RBFOX3: variants seen among roughly 807,000 people sequenced by gnomAD.
The protein encoded by RBFOX3 is RNA binding protein fox-1 homolog 3.
RBFOX3 carries 17 observed loss-of-function variants against 48.7 expected under a neutral mutation model. The observed-to-expected ratio is 0.35, with a 90% CI of 0.24 to 0.52. RBFOX3 has a LOEUF of 0.52. Ranked by LOEUF, RBFOX3 falls within the 20% of genes least tolerant of loss-of-function variation. RBFOX3 has a pLI of 0.94. For synonymous variants in RBFOX3, 212 were observed against 209.5 expected (o/e 1.01, Z -0.10); for missense variants, 382 against 497.5 (o/e 0.77, Z 2.21).
chr17:79,217,028 GC>G (rs1290166617), intron 4 of RBFOX3, among the ~76,000 whole-genome samples: 1 of 152,164 alleles, frequency 6.6e-6, no homozygotes, highest in Non-Finnish European at 1.5e-5. Flanking sequence ...CAGGCAGGGG[GC>G]CCCCCACTCT....
At chr17:79,561,668 G>C (rs1337459907) in intron 1 of RBFOX3, among the ~76,000 whole-genome samples, 1 of 152,198 alleles carries the variant, frequency 6.6e-6, no homozygotes, top group Non-Finnish European at 1.5e-5. Flanking sequence ...GGGCACTGAA[G>C]CAGGTGTCCT....
chr17:79,131,677 T>C (rs1162324026), intron 4 of RBFOX3, among the ~76,000 whole-genome samples: 1 of 152,220 alleles, frequency 6.6e-6, no homozygotes, highest in Non-Finnish European at 1.5e-5. Flanking sequence ...ATCTGTTTTA[T>C]TTTATGCATT....
chr17:79,516,087 CGA>C (rs1181342377), intron 1 of RBFOX3: 1,948 of 151,984 alleles, frequency 0.013, 30 homozygotes, highest in Middle Eastern at 0.024. Flanking sequence ...GCAGAGAGTC[CGA>C]GAGAGAGAGG....
intron 3 of RBFOX3, among the ~76,000 whole-genome samples, chr17:79,245,757 A>G (rs185260776): frequency 4.2e-4 from 63 of 151,010 alleles, no homozygotes; most frequent in African/African-American, 1.5e-3. Context: ...CCTCCCGTGT[A>G]GCTGGGATTA....
At chr17:79,169,247 C>T (rs1174666302) in intron 4 of RBFOX3, among the ~76,000 whole-genome samples, 2 of 152,166 alleles carry the variant, frequency 1.3e-5, no homozygotes, top group African/African-American at 2.4e-5. Context: ...GTCAGCAACC[C>T]GGGTTTCACT....
At position 79,482,628 on chromosome 17, in the gene RBFOX3, T is replaced by C. The variant is rs2078925567; in HGVS notation, c.-319-30A>G. On this transcript the variant is annotated intron_variant, in intron 1 of 14. Transcript: ENST00000693108. This position sits in a 1 kb window ranked among gnomAD's most constrained non-coding sequence, Gnocchi z 4.1. ...AGGGGGAAAAAAGCAAGTAAAAAAA[T>C]TGCCTTTGAAGAAAACATCTTCCTT... 6.6e-6 allele frequency: 1 copy of C among 151,942 alleles called. No homozygotes were observed. Among genetic ancestry groups the C allele is most frequent in the African/African-American group, 2.4e-5 (1 of 41,332 alleles). 9.4% of individuals were successfully genotyped at this position (151,942 alleles called of 1,614,324 possible). A position where few individuals can be genotyped will look rare whatever the true frequency, so the allele number is the denominator to read the frequency against.
chr17:79,113,866 A>C (rs1335910693), intron 5 of RBFOX3, among the ~76,000 whole-genome samples: 1 of 148,900 alleles, frequency 6.7e-6, no homozygotes, highest in Non-Finnish European at 1.5e-5. Context: ...ATGTCTGCCG[A>C]GTGAAGGAAG....
In RBFOX3 at chr17:79,522,929, CAAAAAAAAA is replaced by C. The variant is rs34245309; in HGVS notation, c.-319-40340_-319-40332del. Among the ~76,000 whole-genome samples, 13 of 31,966 alleles carry C rather than the reference CAAAAAAAAA, an allele frequency of 4.1e-4. No individual in the cohort carries two copies. In the South Asian group the frequency reaches 0.013, roughly 32 times the overall value. The allele number at this position is 31,966 out of a possible 152,430, so 21.0% of individuals were successfully genotyped here. On this transcript the variant is annotated intron_variant, in intron 1 of 14. Transcript: ENST00000693108. ...TGGGTGACAGAGCAAGACTCCGTCT[CAAAAAAAAA>C]AAAAAAAAAAAAAAAAAATGCAAGG... is the stretch of plus-strand genomic sequence containing the variant.
In RBFOX3 at chr17:79,149,442, G is replaced by A. The variant is rs1272964696; in HGVS notation, c.-33-33694C>T. On this transcript the variant is annotated intron_variant, in intron 4 of 14. Coordinates refer to ENST00000693108, the MANE Select transcript of RBFOX3 (RefSeq NM_001350451.2). ...CTCGTTGGATTGGAACACGGGCATT[G>A]CTGTCCTGGGGGAGGAGCAGGGCTG... Among the ~76,000 whole-genome samples, 6 of 152,322 alleles carry A rather than the reference G, an allele frequency of 3.9e-5. No individual in the cohort carries two copies. In the East Asian group the frequency reaches 1.2e-3, roughly 29 times the overall value.
At chr17:79,106,869 C>A (rs2077475734) in intron 5 of RBFOX3, 81 bp from the exon 6 acceptor site, 6 of 1,370,042 alleles carry the variant, frequency 4.4e-6, no homozygotes, top group Non-Finnish European at 4.6e-6. Flanking sequence ...TCGGCAGAGT[C>A]TAAAGGCCAG....
At chr17:79,384,022 G>A (rs2060257786) in intron 2 of RBFOX3, among the ~76,000 whole-genome samples, 1 of 152,202 alleles carries the variant, frequency 6.6e-6, no homozygotes, top group African/African-American at 2.4e-5. Context: ...GGCTTTCAAA[G>A]GTCAGACTGG....
At position 79,363,575 on chromosome 17, in the gene RBFOX3, T is replaced by C. The variant is rs1458955412; in HGVS notation, c.-174-55751A>G. Reference sequence around the variant, plus strand: ...TTCCCCTTCCTGTTCCTGCCCAGCTTCCCTGGGGGGTCTCCGCGAGCAACA... The same window carrying C: ...TTCCCCTTCCTGTTCCTGCCCAGCTCCCCTGGGGGGTCTCCGCGAGCAACA... On this transcript the variant is annotated intron_variant, in intron 2 of 14. Coordinates refer to ENST00000693108, the MANE Select transcript of RBFOX3 (RefSeq NM_001350451.2). The surrounding 1 kb of genome is among the most constrained non-coding windows in gnomAD (Gnocchi z 4.7). 4.0e-5 allele frequency among the ~76,000 whole-genome samples: 6 copies of C among 151,894 alleles called. No homozygotes were observed. Among genetic ancestry groups the C allele is most frequent in the African/African-American group, 1.5e-4 (6 of 41,246 alleles).
chr17:79,351,585 G>A lies in RBFOX3; in HGVS notation c.-174-43761C>T, dbSNP rs190796805. Among the ~76,000 whole-genome samples the A allele has an allele frequency of 1.7e-3, 252 of 152,298 alleles. 2 individuals carry two copies. The highest frequency in any genetic ancestry group is 5.8e-3 in the African/African-American group (242 of 41,552). ...GTCTGATTTGCATTTCCTTGGTGAC[G>A]ATGATGTGGAGCATCTTCTCATGTG... On this transcript the variant is annotated intron_variant, in intron 2 of 14. Transcript: ENST00000693108.
chr17:79,511,526 G>C (rs1209213548), intron 1 of RBFOX3, among the ~76,000 whole-genome samples: 7 of 152,146 alleles, frequency 4.6e-5, no homozygotes, highest in Non-Finnish European at 1.0e-4. Context: ...CTGCCCGTGT[G>C]GGGTGAGGGC....
At chr17:79,621,360 G>T in the RBFOX3 span, among the ~76,000 whole-genome samples, 1 of 152,032 alleles carries the variant, frequency 6.6e-6, no homozygotes, top group African/African-American at 2.4e-5. Flanking sequence ...GATCCAAGCT[G>T]GGGGAAACCG....
the RBFOX3 span, among the ~76,000 whole-genome samples, chr17:79,618,054 A>T: frequency 6.6e-6 from 1 of 152,144 alleles, no homozygotes; most frequent in African/African-American, 2.4e-5. Flanking sequence ...AACCACTTGC[A>T]CGCCGTCCGT....
intron 1 of RBFOX3, among the ~76,000 whole-genome samples, chr17:79,609,311 G>T (rs1400782881): frequency 1.3e-5 from 2 of 152,046 alleles, no homozygotes; most frequent in Admixed American, 1.3e-4. Flanking sequence ...TGCCCGGGGC[G>T]CCCGGGTGCA....
chr17:79,551,091 T>C (rs2091100049), intron 1 of RBFOX3, among the ~76,000 whole-genome samples: 1 of 152,172 alleles, frequency 6.6e-6, no homozygotes, highest in Non-Finnish European at 1.5e-5. Flanking sequence ...CAACTAGTAG[T>C]TGCTGCATTG....
At chr17:79,383,031 AACACACACACACACACACAC>A (rs60851419) in intron 2 of RBFOX3, among the ~76,000 whole-genome samples, 10 of 141,402 alleles carry the variant, frequency 7.1e-5, no homozygotes, top group African/African-American at 2.2e-4. Context: ...CTGCCTCTCA[AACACACACACACACACACAC>A]ACACACACAC....
Sources: allele counts gnomAD v4.1 joint callset (sites outside exome capture counted in the v4.1 genomes callset), GRCh38; gene constraint gnomAD v4.1.1; non-coding constraint Gnocchi (gnomAD v3.1); transcripts MANE v1.5; gene names NCBI Gene and HGNC (gene_info 2026-07-23, HGNC 2026-07-21).